The following NRP2 variants were observed in gnomAD, a reference collection of about 807,000 sequenced individuals.
NRP2 encodes the protein neuropilin-2.
NRP2 carries 52 observed loss-of-function variants against 110.4 expected under a neutral mutation model. The ratio of observed to expected loss-of-function variants is 0.47; its 90% CI spans 0.38 to 0.59. NRP2 has a LOEUF of 0.59. Among genes scored for constraint, NRP2 ranks in the 20% least tolerant of loss-of-function variants. The probability of loss-of-function intolerance (pLI) is 0.00; values close to 1 mark genes in which losing one functional copy is unlikely to be tolerated. For missense variants in NRP2, 1,049 were observed against 1,203.0 expected (o/e 0.87, Z 1.89); for synonymous variants, 508 against 468.9 (o/e 1.08, Z -1.08).
At chr2:205,752,345 A>T (rs555329582) in intron 11 of NRP2, 10 of 205,558 alleles carry the variant, frequency 4.9e-5, no homozygotes, top group African/African-American at 2.3e-4. Flanking sequence ...TTCTGAGGTC[A>T]CTTTCTCCTC....
At position 205,749,725 on chromosome 2, in the gene NRP2, A is replaced by T. The variant is rs369787845; in HGVS notation, c.1787A>T (p.Asp596Val). ...CTTATCTTCCTTTGCCCTTACACAG[A>T]CTCCAAGCCCACGGTAGAGACGCTG... ...RLEVLGCDWT[D>V]SKPTVETLGP... The change falls in exon 11 of 17, where the codon GAC (aspartate) becomes GTC (valine). Residue 596 changes from aspartate to valine, a missense_variant and splice_region_variant. Asp to Val is a radical substitution (Grantham distance 152, BLOSUM62 -3). Transcript: ENST00000357785. The T allele has an allele frequency of 2.5e-6, 4 of 1,613,462 alleles. No homozygotes were observed. Among genetic ancestry groups the T allele is most frequent in the Non-Finnish European group, 3.4e-6 (4 of 1,179,514 alleles).
chr2:205,724,654 CTTTTTTT>C lies in NRP2; in HGVS notation c.820+734_820+740del, dbSNP rs35094496. The stretch of plus-strand genomic sequence containing the variant: ...TTCTACTTAAAAACCCAAACGATAA[CTTTTTTT>C]TTTTTTTTTTTTTTTTTTTGAGACA... On this transcript the variant is annotated intron_variant, in intron 5 of 16. Transcript: ENST00000357785. 1.0e-4 allele frequency among the ~76,000 whole-genome samples: 8 copies of C among 80,370 alleles called. No individual in the cohort carries two copies. The South Asian group carries it at 2.5e-3, about 25-fold the overall frequency. 52.7% of individuals were successfully genotyped at this position (80,370 alleles called of 152,430 possible). A position where few individuals can be genotyped will look rare whatever the true frequency, so the allele number is the denominator to read the frequency against.
intron 15 of NRP2, among the ~76,000 whole-genome samples, chr2:205,770,229 A>G (rs1442341164): frequency 1.3e-5 from 2 of 152,152 alleles, no homozygotes; most frequent in Non-Finnish European, 1.5e-5. Context: ...TGTGGGGTTT[A>G]TGACTCAGAC....
At chr2:205,743,966 A>G (rs2057492580) in intron 9 of NRP2, among the ~76,000 whole-genome samples, 1 of 151,942 alleles carries the variant, frequency 6.6e-6, no homozygotes. Context: ...CTGGTCTCGA[A>G]CTCCTGACCT....
In NRP2 at chr2:205,763,978, T is replaced by C. The variant is rs771166947; in HGVS notation, c.2307+42T>C. On this transcript the variant is annotated intron_variant, in intron 13 of 16. Coordinates refer to ENST00000357785, the MANE Select transcript of NRP2 (RefSeq NM_003872.3). This position sits in a 1 kb window ranked among gnomAD's most constrained non-coding sequence, Gnocchi z 4.0. Reference sequence around the variant, plus strand: ...GGGAATCTTGTGATCCGTATTTCAATATTTCAAGGGCCGAGCCCATTCATC... The same window carrying C: ...GGGAATCTTGTGATCCGTATTTCAACATTTCAAGGGCCGAGCCCATTCATC... The C allele has an allele frequency of 6.2e-7, 1 of 1,611,656 alleles. No homozygotes were observed. The highest frequency in any genetic ancestry group is 8.5e-7 in the Non-Finnish European group (1 of 1,178,606).
chr2:205,742,598 T>C (rs1358121454), intron 8 of NRP2, among the ~76,000 whole-genome samples: 1 of 152,076 alleles, frequency 6.6e-6, no homozygotes, highest in African/African-American at 2.4e-5. Flanking sequence ...GTGGGAAGGA[T>C]CCAAGGCAGT....
chr2:205,746,276 C>T (rs557771845), intron 10 of NRP2, among the ~76,000 whole-genome samples: 2 of 152,328 alleles, frequency 1.3e-5, no homozygotes, highest in East Asian at 3.9e-4. Context: ...TGAATCTGGC[C>T]TCCAGATGTC....
At chr2:205,762,874 G>A (rs922511414) in intron 12 of NRP2, among the ~76,000 whole-genome samples, 23 of 152,162 alleles carry the variant, frequency 1.5e-4, no homozygotes, top group African/African-American at 4.3e-4. Context: ...AGCCAAAAAG[G>A]CCATTCTCCA....
intron 11 of NRP2, among the ~76,000 whole-genome samples, chr2:205,751,958 G>A (rs1575628803): frequency 6.6e-6 from 1 of 152,086 alleles, no homozygotes; most frequent in African/African-American, 2.4e-5. Flanking sequence ...CACATATTTG[G>A]CATTAGCTCA....
chr2:205,724,509 A>T (rs1664421863), intron 5 of NRP2, among the ~76,000 whole-genome samples: 1 of 152,158 alleles, frequency 6.6e-6, no homozygotes, highest in Non-Finnish European at 1.5e-5. Flanking sequence ...GCCAGGCACC[A>T]AGCAAGGAAT....
At chr2:205,690,115 T>C (rs555087354) in intron 1 of NRP2, among the ~76,000 whole-genome samples, 1 of 152,060 alleles carries the variant, frequency 6.6e-6, no homozygotes, top group Non-Finnish European at 1.5e-5. Context: ...TTCTGGCGAG[T>C]CTTTCAGCAG....
At chr2:205,710,305 T>A (rs2056770308) in intron 2 of NRP2, among the ~76,000 whole-genome samples, 1 of 152,200 alleles carries the variant, frequency 6.6e-6, no homozygotes, top group Non-Finnish European at 1.5e-5. Flanking sequence ...CCTTTCCTCC[T>A]CATGTAACCT....
chr2:205,770,590 C>G (rs1321607592), intron 15 of NRP2, among the ~76,000 whole-genome samples: 2 of 152,166 alleles, frequency 1.3e-5, no homozygotes, highest in African/African-American at 4.8e-5. Context: ...CTCACATTCC[C>G]TTTCTCCCTG....
intron 7 of NRP2, among the ~76,000 whole-genome samples, chr2:205,734,432 C>T (rs1452160636): frequency 6.9e-6 from 1 of 145,760 alleles, no homozygotes; most frequent in South Asian, 2.2e-4. Context: ...ACAGTTCCCT[C>T]CCCCTACTTG....
At position 205,715,724 on chromosome 2, in the gene NRP2, A is replaced by T. The variant is rs552889197; in HGVS notation, c.252-469A>T. Among the ~76,000 whole-genome samples, 10 of 151,858 alleles carry T rather than the reference A, an allele frequency of 6.6e-5. No individual in the cohort carries two copies. In the South Asian group the frequency reaches 1.0e-3, roughly 16 times the overall value. On this transcript the variant is annotated intron_variant, in intron 2 of 16. Coordinates refer to ENST00000357785, the MANE Select transcript of NRP2 (RefSeq NM_003872.3). ...ACAGTGCCTAGCCCCTTACATATATATTTTTTTTCATTCTATCTTCTCCCC... is the reference window on the plus strand; with the variant it reads ...ACAGTGCCTAGCCCCTTACATATATTTTTTTTTTCATTCTATCTTCTCCCC...
intron 4 of NRP2, among the ~76,000 whole-genome samples, chr2:205,723,343 G>A (rs1013462485): frequency 7.9e-5 from 12 of 152,154 alleles, no homozygotes; most frequent in Non-Finnish European, 1.2e-4. Flanking sequence ...TAATATAAAG[G>A]AGACTTGATG....
intron 10 of NRP2, among the ~76,000 whole-genome samples, chr2:205,747,076 C>T (rs2057551876): frequency 6.6e-6 from 1 of 152,188 alleles, no homozygotes; most frequent in Non-Finnish European, 1.5e-5. Flanking sequence ...AAGCTGGCTT[C>T]ATTTATGTGC....
At chr2:205,716,047 T>C in intron 2 of NRP2, 146 bp from the exon 3 acceptor site, 2 of 864,100 alleles carry the variant, frequency 2.3e-6, no homozygotes, top group Non-Finnish European at 3.9e-6. Flanking sequence ...TGCCAGTCTG[T>C]ACAAGCAGAC....
chr2:205,779,123 A>C (rs1388521656), intron 15 of NRP2: 4 of 152,242 alleles, frequency 2.6e-5, no homozygotes. Flanking sequence ...AGACAAAGAG[A>C]TGATAGCAAC....
Sources: gnomAD v4.1 joint callset for allele counts (sites outside exome capture counted in the v4.1 genomes callset) on GRCh38, gnomAD v4.1.1 for gene constraint, Gnocchi (gnomAD v3.1) non-coding constraint, MANE v1.5 for transcripts, NCBI Gene and HGNC (gene_info 2026-07-23, HGNC 2026-07-21) for gene names.